Variants in WDR64 observed in about 807,000 individuals in gnomAD.
The protein encoded by WDR64 is WD repeat-containing protein 64.
WDR64 carries 112 observed loss-of-function variants against 139.3 expected under a neutral mutation model. The observed-to-expected ratio is 0.80, with a 90% confidence interval of 0.69 to 0.94. The LOEUF (loss-of-function observed/expected upper bound fraction) is 0.94. Among genes scored for constraint, WDR64 ranks in the 40% least tolerant of loss-of-function variants. The pLI, the probability that WDR64 is intolerant of heterozygous loss-of-function variation, is 0.00. For synonymous variants in WDR64, 444 were observed against 437.7 expected, an observed-to-expected ratio of 1.01 and a Z score of -0.18; for missense variants, 1,206 against 1,293.1, an observed-to-expected ratio of 0.93 and a Z score of 1.03.
At chr1:241,713,395 A>C (rs572832936) in intron 9 of WDR64, among the ~76,000 whole-genome samples, 1 of 120,160 alleles carries the variant, frequency 8.3e-6, no homozygotes. Flanking sequence ...GGAAGGAAGG[A>C]AGGGAGGGAG....
intron 1 of WDR64, among the ~76,000 whole-genome samples, chr1:241,653,121 A>G (rs750078211): frequency 6.6e-6 from 1 of 152,170 alleles, no homozygotes; most frequent in Non-Finnish European, 1.5e-5. Context: ...AGCTAAGGAG[A>G]ATATGGTGGA....
chr1:241,688,854 G>A lies in WDR64; in HGVS notation c.974+1259G>A, dbSNP rs141971844. On this transcript the variant is annotated intron_variant, in intron 8 of 27. Transcript: ENST00000437684. ...GCTTTTGTGAGTTTTACTTCCAGGA[G>A]TTCAACAGATTCTTAAAGTGAGTAT... is the stretch of plus-strand genomic sequence containing the variant. Among the ~76,000 whole-genome samples, 45 of 152,278 alleles carry A rather than the reference G, an allele frequency of 3.0e-4. No individual in the cohort carries two copies. The East Asian group carries it at 7.7e-3, about 26-fold the overall frequency.
intron 15 of WDR64, among the ~76,000 whole-genome samples, chr1:241,765,993 A>G (rs1402983543): frequency 6.6e-6 from 1 of 152,232 alleles, no homozygotes; most frequent in African/African-American, 2.4e-5. Flanking sequence ...AAAAGCAGCC[A>G]GTAAACAGGA....
At chr1:241,719,083 C>T (rs1668510043) in intron 9 of WDR64, among the ~76,000 whole-genome samples, 1 of 152,008 alleles carries the variant, frequency 6.6e-6, no homozygotes, top group African/African-American at 2.4e-5. Flanking sequence ...TTTTTTTCAG[C>T]CTGCCTTTAA....
intron 10 of WDR64, among the ~76,000 whole-genome samples, chr1:241,735,492 C>A (rs1317142060): frequency 1.4e-5 from 2 of 146,394 alleles, no homozygotes; most frequent in Non-Finnish European, 3.0e-5. Flanking sequence ...AAAGTATAGT[C>A]TCCTTTTAAT....
At chr1:241,748,419 C>A (rs1301677930) in intron 13 of WDR64, among the ~76,000 whole-genome samples, 4 of 152,156 alleles carry the variant, frequency 2.6e-5, no homozygotes, top group Non-Finnish European at 5.9e-5. Context: ...ATAGATGGTG[C>A]CTTCTCATTG....
intron 10 of WDR64, among the ~76,000 whole-genome samples, chr1:241,724,165 C>G (rs982486868): frequency 3.2e-4 from 48 of 152,062 alleles, no homozygotes; most frequent in Non-Finnish European, 1.3e-4. Flanking sequence ...AAGGGACATA[C>G]TATGTTCCTA....
chr1:241,697,052 A>C (rs918700726), intron 8 of WDR64, among the ~76,000 whole-genome samples: 4 of 152,166 alleles, frequency 2.6e-5, no homozygotes, highest in Non-Finnish European at 5.9e-5. Flanking sequence ...CATCTGAGAT[A>C]ATATCTCACC....
intron 9 of WDR64, among the ~76,000 whole-genome samples, chr1:241,715,993 A>C (rs1411964878): frequency 1.3e-5 from 2 of 152,318 alleles, no homozygotes; most frequent in East Asian, 1.9e-4. Flanking sequence ...GAAAACACTT[A>C]GTAGTATGAC....
At chr1:241,754,351 C>T (rs558802162) in intron 14 of WDR64, among the ~76,000 whole-genome samples, 8 of 122,474 alleles carry the variant, frequency 6.5e-5, no homozygotes, top group African/African-American at 1.6e-4. Context: ...GATGGAGTCT[C>T]GCTCTGTCAC....
intron 27 of WDR64, 116 bp from the exon 28 acceptor site, chr1:241,801,016 T>A: frequency 5.2e-6 from 4 of 772,694 alleles, no homozygotes; most frequent in Non-Finnish European, 8.5e-6. Context: ...TAACTATTCA[T>A]TTTTTTTCTA....
intron 17 of WDR64, among the ~76,000 whole-genome samples, chr1:241,770,275 AG>A (rs1311982955): frequency 6.6e-6 from 1 of 152,206 alleles, no homozygotes; most frequent in Non-Finnish European, 1.5e-5. Flanking sequence ...GCAGGAAGTT[AG>A]ACAGGCTTGT....
At chr1:241,693,102 A>G (rs1331476695) in intron 8 of WDR64, among the ~76,000 whole-genome samples, 2 of 152,174 alleles carry the variant, frequency 1.3e-5, no homozygotes, top group East Asian at 3.8e-4. Flanking sequence ...TCACACAAAA[A>G]TCTGTACATG....
chr1:241,664,924 C>T (rs181458393), intron 2 of WDR64, among the ~76,000 whole-genome samples: 196 of 152,150 alleles, frequency 1.3e-3, no homozygotes, highest in South Asian at 2.9e-3. Flanking sequence ...GGGCCAGGTG[C>T]GGTGTCTAAT....
intron 6 of WDR64, among the ~76,000 whole-genome samples, chr1:241,681,123 AT>A (rs1020391836): frequency 3.3e-5 from 5 of 151,718 alleles, no homozygotes; most frequent in South Asian, 2.1e-4. Flanking sequence ...AATTGTTTAA[AT>A]TTTTTTATTT....
At chr1:241,733,656 C>T (rs1019944187) in intron 10 of WDR64, among the ~76,000 whole-genome samples, 4 of 149,888 alleles carry the variant, frequency 2.7e-5, no homozygotes, top group Non-Finnish European at 3.0e-5. Context: ...TACTTATATA[C>T]ATATATGTAT....
chr1:241,775,232 T>C (rs1359177299), intron 21 of WDR64, 22 bp downstream of exon 21: 1 of 1,533,356 alleles, frequency 6.5e-7, no homozygotes, highest in South Asian at 1.2e-5. Context: ...CTCTTAGACA[T>C]TCAGTGACAG....
chr1:241,655,271 T>C (rs929065608), intron 1 of WDR64, among the ~76,000 whole-genome samples: 2 of 152,100 alleles, frequency 1.3e-5, no homozygotes, highest in Admixed American at 1.3e-4. Context: ...TAGTCCCAGC[T>C]ACTCGGGAGG....
At position 241,723,328 on chromosome 1, in the gene WDR64, C is replaced by T; in HGVS notation, c.1086C>T (p.Pro362=). 3.7e-6 allele frequency: 6 copies of T among 1,613,908 alleles called. No individual in the cohort carries two copies. Among genetic ancestry groups the T allele is most frequent in the African/African-American group, 1.3e-5 (1 of 75,018 alleles). The part of the protein sequence containing the change: ...GDDKVIRLWH[P]NISTKPVGKL... Reference sequence around the variant, plus strand: ...ATAAGGTCATCCGGTTGTGGCACCCCAATATCAGCACCAAGCCAGTAGGGA... The same window carrying T: ...ATAAGGTCATCCGGTTGTGGCACCCTAATATCAGCACCAAGCCAGTAGGGA... Residue 362 remains proline, a synonymous_variant, in exon 10 of 28, where the codon CCC becomes CCT. Transcript: ENST00000437684.
Sources: allele counts gnomAD v4.1 joint callset (sites outside exome capture counted in the v4.1 genomes callset), GRCh38; gene constraint gnomAD v4.1.1; transcripts MANE v1.5; gene names NCBI Gene and HGNC (gene_info 2026-07-23, HGNC 2026-07-21).